NUP93: variants seen among roughly 807,000 people sequenced by gnomAD.
NUP93 encodes nucleoporin 93.
A neutral mutation model predicts 107.8 loss-of-function variants in NUP93; 55 were observed. That is an observed-to-expected ratio of 0.51 (90% CI 0.41 to 0.64). The LOEUF (loss-of-function observed/expected upper bound fraction) is 0.64, where lower values mean the gene tolerates loss of function less well. Ranked by LOEUF, NUP93 falls within the 30% of genes least tolerant of loss-of-function variation. NUP93 has a pLI of 0.00. For missense variants in NUP93, 937 were observed against 1,044.7 expected (o/e 0.90, Z 1.42); for synonymous variants, 390 against 397.5 (o/e 0.98, Z 0.22).
intron 2 of NUP93, among the ~76,000 whole-genome samples, chr16:56,752,065 G>C (rs1312441491): frequency 6.6e-6 from 1 of 152,120 alleles, no homozygotes; most frequent in Non-Finnish European, 1.5e-5. Context: ...TTTCTTTTCT[G>C]ACAATTCTAG....
chr16:56,813,840 A>C (rs1328038730), intron 5 of NUP93, among the ~76,000 whole-genome samples: 2 of 152,148 alleles, frequency 1.3e-5, no homozygotes, highest in African/African-American at 4.8e-5. Flanking sequence ...TAGTAGTTCT[A>C]ATAGTGTTCC....
chr16:56,782,328 T>A (rs1003235867), intron 3 of NUP93: 1 of 532,320 alleles, frequency 1.9e-6, no homozygotes, highest in Non-Finnish European at 2.4e-6. Context: ...GTTTGAAAAT[T>A]TGAGATAAAT....
intron 3 of NUP93, among the ~76,000 whole-genome samples, chr16:56,777,862 G>T (rs938465956): frequency 6.6e-6 from 1 of 152,158 alleles, no homozygotes; most frequent in African/African-American, 2.4e-5. Flanking sequence ...GAAAGAACAA[G>T]CAAAAGTAAT....
Position 56,844,515 on chromosome 16 carries a change from C to T in NUP93, c.2366C>T (p.Ala789Val), listed in dbSNP as rs1339514575. 1.3e-6 allele frequency: 2 copies of T among 1,504,680 alleles called. No individual in the cohort carries two copies. The highest frequency in any genetic ancestry group is 1.3e-5 in the South Asian group (1 of 75,366). The allele number at this position is 1,504,680 out of a possible 1,614,324, so 93.2% of individuals were successfully genotyped here. A position where few individuals can be genotyped will look rare whatever the true frequency, so the allele number is the denominator to read the frequency against. ...EDRDSQLRSQ[A>V]RTLITFAGMI... Reference sequence around the variant, plus strand: ...CTCTCTCAGCAACTCCGAAGTCAAGCCCGCACTCTGATTACCTTTGCTGGA... The same window carrying T: ...CTCTCTCAGCAACTCCGAAGTCAAGTCCGCACTCTGATTACCTTTGCTGGA... The change falls in exon 22 of 22, where the codon GCC becomes GTC. Residue 789 changes from alanine (A) to valine (V), a missense_variant. Ala to Val is a moderately conservative substitution (Grantham distance 64). Transcript: ENST00000308159.
chr16:56,781,890 A>C (rs1271665382), intron 3 of NUP93: 2 of 985,300 alleles, frequency 2.0e-6, no homozygotes, highest in Admixed American at 6.2e-5. Context: ...TGTGTAGCGC[A>C]CAACGAATGG....
At position 56,821,604 on chromosome 16, in the gene NUP93, G is replaced by C; in HGVS notation, c.654+11G>C. On this transcript the variant is annotated intron_variant, in intron 7 of 21. Transcript: ENST00000308159. ...GAGCTCGATGATAAGGTAGCACCTAGAGCTAACTCAAGTAGAAACCGGGGT... is the reference window on the plus strand; with the variant it reads ...GAGCTCGATGATAAGGTAGCACCTACAGCTAACTCAAGTAGAAACCGGGGT... 1 of 1,593,806 alleles carries C rather than the reference G, an allele frequency of 6.3e-7. No individual in the cohort carries two copies. Among genetic ancestry groups the C allele is most frequent in the Non-Finnish European group, 8.6e-7 (1 of 1,162,718 alleles).
chr16:56,771,739 T>G (rs553126888), intron 3 of NUP93, among the ~76,000 whole-genome samples: 5 of 152,346 alleles, frequency 3.3e-5, no homozygotes, highest in Admixed American at 3.3e-4. Context: ...AAAGTGATAC[T>G]GATGTTTGTT....
In NUP93 at chr16:56,831,100, T is replaced by C. The variant is rs1963775888; in HGVS notation, c.1085+415T>C. 1.3e-5 allele frequency among the ~76,000 whole-genome samples: 2 copies of C among 152,252 alleles called. 1 individual carries two copies. Among genetic ancestry groups the C allele is most frequent in the South Asian group, 4.1e-4 (2 of 4,834 alleles). On this transcript the variant is annotated intron_variant, in intron 10 of 21. Transcript: ENST00000308159. The stretch of plus-strand genomic sequence containing the variant: ...GTCACGTACTTCGTAGCTTAAAGGC[T>C]AGAATTAGAAGTTAGTAAAATTGAA...
At chr16:56,814,739 T>G (rs1001440355) in intron 5 of NUP93, among the ~76,000 whole-genome samples, 1 of 152,206 alleles carries the variant, frequency 6.6e-6, no homozygotes, top group African/African-American at 2.4e-5. Context: ...CTGGGTGAGC[T>G]GCTTGTTTTC....
chr16:56,830,658 A>G lies in NUP93; in HGVS notation c.1058A>G (p.Gln353Arg). The change falls in exon 10 of 22, where the codon CAG becomes CGG. Residue 353 changes from glutamine (Q) to arginine (R), a missense_variant. Coordinates refer to ENST00000308159, the MANE Select transcript of NUP93 (RefSeq NM_014669.5). ...CTGGGAGAGTTTAAAACCTGGTTCC[A>G]GGAGTACATGAACAGCAAGGACAGA... is the stretch of plus-strand genomic sequence containing the variant. ...HQLGEFKTWF[Q>R]EYMNSKDRRL... 6 of 1,600,576 alleles carry G rather than the reference A, an allele frequency of 3.7e-6. No individual in the cohort carries two copies. Among genetic ancestry groups the G allele is most frequent in the Non-Finnish European group, 5.1e-6 (6 of 1,169,560 alleles).
intron 6 of NUP93, 92 bp from the exon 7 acceptor site, chr16:56,821,412 C>A: frequency 1.2e-6 from 1 of 845,788 alleles, no homozygotes; most frequent in Non-Finnish European, 1.9e-6. Flanking sequence ...AAAGGTTGGC[C>A]GAAGCTTCTG....
intron 3 of NUP93, among the ~76,000 whole-genome samples, chr16:56,770,930 G>A (rs1962309042): frequency 6.6e-6 from 1 of 151,700 alleles, no homozygotes; most frequent in Admixed American, 6.6e-5. Context: ...AAAAAAACAC[G>A]TGACCCTCAT....
In NUP93 at chr16:56,830,665, C is replaced by G; in HGVS notation, c.1065C>G (p.Tyr355Ter). ...LGEFKTWFQE[Y>*]MNSKDRRLSP... ...AGTTTAAAACCTGGTTCCAGGAGTA[C>G]ATGAACAGCAAGGACAGAAGGTATG... Residue 355 changes from tyrosine (Y) to a stop codon, truncating the protein, a stop_gained, in exon 10 of 22, where the codon TAC becomes TAG. Coordinates refer to ENST00000308159, the MANE Select transcript of NUP93 (RefSeq NM_014669.5). LOFTEE classifies it high-confidence loss of function. 1 of 1,592,278 alleles carries G rather than the reference C, an allele frequency of 6.3e-7. No individual in the cohort carries two copies. The highest frequency in any genetic ancestry group is 8.6e-7 in the Non-Finnish European group (1 of 1,163,346).
At chr16:56,768,829 T>A (rs893475486) in intron 3 of NUP93, among the ~76,000 whole-genome samples, 1 of 144,626 alleles carries the variant, frequency 6.9e-6, no homozygotes, top group East Asian at 2.1e-4. Context: ...ATTGCCCCAC[T>A]GCACTCCAGT....
intron 5 of NUP93, among the ~76,000 whole-genome samples, chr16:56,817,547 C>T (rs1182499765): frequency 6.6e-6 from 1 of 152,152 alleles, no homozygotes; most frequent in Non-Finnish European, 1.5e-5. Flanking sequence ...TGCTATGCTA[C>T]AGTACAAACT....
chr16:56,742,979 A>G lies in NUP93; in HGVS notation c.-14-5255A>G, dbSNP rs548714360. Among the ~76,000 whole-genome samples, 303 of 152,368 alleles carry G rather than the reference A, an allele frequency of 2.0e-3. 1 individual carries two copies. The highest frequency in any genetic ancestry group is 6.9e-3 in the African/African-American group (287 of 41,588). ...TATGTGGGATTTTAATATAATAAGC[A>G]TGAATACTATAACAGATTAAGATTC... is the stretch of plus-strand genomic sequence containing the variant. On this transcript the variant is annotated intron_variant, in intron 1 of 21. Coordinates refer to ENST00000308159, the MANE Select transcript of NUP93 (RefSeq NM_014669.5).
At chr16:56,818,817 T>A in intron 6 of NUP93, 79 bp downstream of exon 6, 1 of 1,234,446 alleles carries the variant, frequency 8.1e-7, no homozygotes, top group Non-Finnish European at 1.2e-6. Flanking sequence ...CAAAAACTTG[T>A]AAAAGTCAAA....
chr16:56,742,769 A>T (rs1160246286), intron 1 of NUP93, among the ~76,000 whole-genome samples: 11 of 152,146 alleles, frequency 7.2e-5, no homozygotes, highest in African/African-American at 2.7e-4. Flanking sequence ...TTTCTGGAGT[A>T]TATCCTGGGA....
intron 3 of NUP93, among the ~76,000 whole-genome samples, chr16:56,781,129 A>G (rs1395144417): frequency 6.6e-6 from 1 of 152,232 alleles, no homozygotes; most frequent in Non-Finnish European, 1.5e-5. Flanking sequence ...GGGAATATTC[A>G]TTACTTACAC....
Sources: allele counts gnomAD v4.1 joint callset (sites outside exome capture counted in the v4.1 genomes callset), GRCh38; gene constraint gnomAD v4.1.1; transcripts MANE v1.5; gene names NCBI Gene and HGNC (gene_info 2026-07-23, HGNC 2026-07-21).